The following MAP1LC3A variants were observed in gnomAD, a reference collection of about 807,000 sequenced individuals.
MAP1LC3A encodes the protein microtubule associated protein 1 light chain 3 alpha.
In MAP1LC3A, 10 loss-of-function variants were observed where a neutral mutation model predicts 15.2. The ratio of observed to expected loss-of-function variants is 0.66; its 90% confidence interval spans 0.41 to 1.12. The LOEUF (loss-of-function observed/expected upper bound fraction) is 1.12. Ranked by LOEUF, MAP1LC3A falls within the 50% of genes most tolerant of loss-of-function variation. The pLI, the probability that MAP1LC3A is intolerant of heterozygous loss-of-function variation, is 0.00. For synonymous variants in MAP1LC3A, 63 were observed against 64.3 expected (o/e 0.98, Z 0.10); for missense variants, 138 against 167.3 (o/e 0.82, Z 0.97).
Position 34,558,788 on chromosome 20 carries a change from C to A in MAP1LC3A, c.-81C>A. On this transcript the variant is annotated 5_prime_UTR_variant, in exon 1 of 4. Transcript: ENST00000360668. This position sits in a 1 kb window ranked among gnomAD's most constrained non-coding sequence, Gnocchi z 4.3. ...CCCCGGAGCCCTTGAGCGCGAGGCGCGGAGCCCCCGGAGCCCCCAAACCGC... is the reference window on the plus strand; with the variant it reads ...CCCCGGAGCCCTTGAGCGCGAGGCGAGGAGCCCCCGGAGCCCCCAAACCGC... 5 of 1,355,820 alleles carry A rather than the reference C, an allele frequency of 3.7e-6. No individual in the cohort carries two copies. The South Asian group carries it at 9.1e-5, about 25-fold the overall frequency. The allele number at this position is 1,355,820 out of a possible 1,614,324, so 84.0% of individuals were successfully genotyped here. A position where few individuals can be genotyped will look rare whatever the true frequency, so the allele number is the denominator to read the frequency against.
upstream of MAP1LC3A, among the ~76,000 whole-genome samples, chr20:34,555,370 C>T (rs1286677097): frequency 6.6e-6 from 1 of 152,120 alleles, no homozygotes; most frequent in African/African-American, 2.4e-5. Context: ...GTCTCGAACT[C>T]CTGGCCTCAA....
rs770949799 is a variant in MAP1LC3A at position 34,559,907 on chromosome 20, T to G, written c.*9T>G. 1 of 1,607,184 alleles carries G rather than the reference T, an allele frequency of 6.2e-7. No homozygotes were observed. The highest frequency in any genetic ancestry group is 1.1e-5 in the South Asian group (1 of 90,246). ...AAACCTTCGGCTTCTGAGCCAGCAG[T>G]AGGGGGGCTCGGCCTGGGAGTCGGG... On this transcript the variant is annotated 3_prime_UTR_variant, in exon 4 of 4. Coordinates refer to ENST00000360668, the MANE Select transcript of MAP1LC3A (RefSeq NM_032514.4).
chr20:34,559,906 G>A lies in MAP1LC3A; in HGVS notation c.*8G>A, dbSNP rs760732280. 1 of 1,607,726 alleles carries A rather than the reference G, an allele frequency of 6.2e-7. No homozygotes were observed. Among genetic ancestry groups the A allele is most frequent in the South Asian group, 1.1e-5 (1 of 90,338 alleles). On this transcript the variant is annotated 3_prime_UTR_variant, in exon 4 of 4. Transcript: ENST00000360668. Reference sequence around the variant, plus strand: ...GAAACCTTCGGCTTCTGAGCCAGCAGTAGGGGGGCTCGGCCTGGGAGTCGG... The same window carrying A: ...GAAACCTTCGGCTTCTGAGCCAGCAATAGGGGGGCTCGGCCTGGGAGTCGG...
chr20:34,558,637 C>T (rs1329546925), upstream of MAP1LC3A: 2 of 1,226,456 alleles, frequency 1.6e-6, no homozygotes, highest in African/African-American at 1.6e-5. This position sits in a 1 kb window ranked among gnomAD's most constrained non-coding sequence, Gnocchi z 4.3. Flanking sequence ...GTCACGGGTC[C>T]GGGCGGGCGG....
chr20:34,559,892 C>T lies in MAP1LC3A; in HGVS notation c.360C>T (p.Gly120=). The stretch of plus-strand genomic sequence containing the variant: ...TCTACGCCTCCCAGGAAACCTTCGG[C>T]TTCTGAGCCAGCAGTAGGGGGGCTC... ...YMVYASQETF[G]F is the part of the protein sequence containing the mutation. Residue 120 remains glycine, a synonymous_variant, in exon 4 of 4, where the codon GGC becomes GGT. Coordinates refer to ENST00000360668, the MANE Select transcript of MAP1LC3A (RefSeq NM_032514.4). 3 of 1,610,254 alleles carry T rather than the reference C, an allele frequency of 1.9e-6. No homozygotes were observed. The highest frequency in any genetic ancestry group is 2.5e-6 in the Non-Finnish European group (3 of 1,178,510).
chr20:34,554,996 C>T (rs2146675227), upstream of MAP1LC3A, among the ~76,000 whole-genome samples: 1 of 151,826 alleles, frequency 6.6e-6, no homozygotes, highest in Admixed American at 6.6e-5. Flanking sequence ...GTGTGGGCCA[C>T]CACACCTGGC....
At chr20:34,548,656 C>T (rs1981830589) in intron 1 of MAP1LC3A, among the ~76,000 whole-genome samples, 1 of 151,266 alleles carries the variant, frequency 6.6e-6, no homozygotes, top group African/African-American at 2.4e-5. Context: ...CGGAGGACCC[C>T]TGAGTGGGTC....
exon 2 of MAP1LC3A, chr20:34,549,934 C>T (rs1280331901): frequency 6.3e-7 from 1 of 1,587,578 alleles, no homozygotes; most frequent in Non-Finnish European, 8.7e-7. Context: ...TGCTGACTGA[C>T]CCTCCACCTC....
At chr20:34,547,645 T>C (rs1568608635) in intron 1 of MAP1LC3A, among the ~76,000 whole-genome samples, 1 of 152,066 alleles carries the variant, frequency 6.6e-6, no homozygotes, top group Non-Finnish European at 1.5e-5. Flanking sequence ...CCTGCGTTCA[T>C]TCTCTCTCCT....
chr20:34,560,113 T>TTG lies in MAP1LC3A; in HGVS notation c.*215_*216insTG. Reference sequence around the variant, plus strand: ...TCCCTCTGGGTGCTGGCTGGTGGGATGGGGGAGGGTGGGGAGCAGCTCCCA... The same window carrying TTG: ...TCCCTCTGGGTGCTGGCTGGTGGGATTGGGGGGAGGGTGGGGAGCAGCTCCCA... On this transcript the variant is annotated 3_prime_UTR_variant, in exon 4 of 4. Coordinates refer to ENST00000360668, the MANE Select transcript of MAP1LC3A (RefSeq NM_032514.4). The TTG allele has an allele frequency of 3.3e-6, 1 of 302,204 alleles. No individual in the cohort carries two copies. 18.7% of individuals were successfully genotyped at this position (302,204 alleles called of 1,614,324 possible).
At chr20:34,559,560 G>GCCC in intron 3 of MAP1LC3A, 107 bp downstream of exon 3, 1 of 1,269,414 alleles carries the variant, frequency 7.9e-7, no homozygotes, top group Non-Finnish European at 1.1e-6. Context: ...CGGGCGGTGG[G>GCCC]CCCCTGTTCT....
upstream of MAP1LC3A, among the ~76,000 whole-genome samples, chr20:34,556,299 A>C (rs970341372): frequency 1.3e-5 from 2 of 152,182 alleles, no homozygotes; most frequent in Admixed American, 1.3e-4. Context: ...AACTGATTTG[A>C]TATCTGTTGA....
At chr20:34,555,971 T>C (rs1457762977), upstream of MAP1LC3A, among the ~76,000 whole-genome samples, 3 of 151,842 alleles carry the variant, frequency 2.0e-5, no homozygotes, top group Admixed American at 1.3e-4. Flanking sequence ...GCCTCCCGAG[T>C]AGCTGGAACT....
At position 34,559,784 on chromosome 20, in the gene MAP1LC3A, C is replaced by G. The variant is rs369783053; in HGVS notation, c.252C>G (p.Asn84Lys). 7 of 1,613,212 alleles carry G rather than the reference C, an allele frequency of 4.3e-6. No homozygotes were observed. Among genetic ancestry groups the G allele is most frequent in the African/African-American group, 1.3e-5 (1 of 74,994 alleles). The change falls in exon 4 of 4, where the codon AAC becomes AAG. Residue 84 changes from asparagine to lysine, a missense_variant. By Grantham distance (94) the Asn-to-Lys change is moderately conservative. Coordinates refer to ENST00000360668, the MANE Select transcript of MAP1LC3A (RefSeq NM_032514.4). ...CGCAGGCCTTCTTCCTGCTGGTGAA[C>G]CAGCACAGCATGGTGAGTGTGTCCA... ...NPTQAFFLLVNQHSMVSVSTP... is the reference protein window; with the variant it reads ...NPTQAFFLLVKQHSMVSVSTP...
At chr20:34,554,665 C>T (rs1252415729), upstream of MAP1LC3A, among the ~76,000 whole-genome samples, 3 of 149,468 alleles carry the variant, frequency 2.0e-5, no homozygotes, top group African/African-American at 7.4e-5. Context: ...AGACACCGCG[C>T]CCGGCCTGTT....
At chr20:34,558,577 C>G (rs1371707878), upstream of MAP1LC3A, 2 of 1,190,056 alleles carry the variant, frequency 1.7e-6, no homozygotes, top group Non-Finnish European at 2.1e-6. The surrounding 1 kb of genome is among the most constrained non-coding windows in gnomAD (Gnocchi z 4.3). Flanking sequence ...CGCCCAGAAG[C>G]CCCGCCCCTC....
intron 1 of MAP1LC3A, among the ~76,000 whole-genome samples, chr20:34,549,442 C>A (rs1981864245): frequency 6.6e-6 from 1 of 152,198 alleles, no homozygotes; most frequent in Non-Finnish European, 1.5e-5. Context: ...AGTTCATCAC[C>A]TTAAACGAGG....
In MAP1LC3A at chr20:34,558,841, G is replaced by C. The variant is rs1600572842; in HGVS notation, c.-28G>C. 2 of 1,432,586 alleles carry C rather than the reference G, an allele frequency of 1.4e-6. No homozygotes were observed. Among genetic ancestry groups the C allele is most frequent in the South Asian group, 2.8e-5 (2 of 71,534 alleles). 88.7% of individuals were successfully genotyped at this position (1,432,586 alleles called of 1,614,324 possible). On this transcript the variant is annotated 5_prime_UTR_variant, in exon 1 of 4. Coordinates refer to ENST00000360668, the MANE Select transcript of MAP1LC3A (RefSeq NM_032514.4). This position sits in a 1 kb window ranked among gnomAD's most constrained non-coding sequence, Gnocchi z 4.3. The stretch of plus-strand genomic sequence containing the variant: ...ACACATCCCCGCGCCCCAGAGCCCC[G>C]GCCTGCGCGCCCAGCCGGGCCCGCG...
chr20:34,558,246 T>G, upstream of MAP1LC3A: 1 of 983,152 alleles, frequency 1.0e-6, no homozygotes, highest in African/African-American at 1.7e-5. The surrounding 1 kb of genome is among the most constrained non-coding windows in gnomAD (Gnocchi z 4.3). Flanking sequence ...TCAATTATAT[T>G]ATTCTTTTTC....
Sources: allele counts gnomAD v4.1 joint callset (sites outside exome capture counted in the v4.1 genomes callset), GRCh38; gene constraint gnomAD v4.1.1; non-coding constraint Gnocchi (gnomAD v3.1); transcripts MANE v1.5; gene names NCBI Gene and HGNC (gene_info 2026-07-23, HGNC 2026-07-21).